Variants in DDR2 observed in about 807,000 individuals in gnomAD.
The protein encoded by DDR2 is discoidin domain-containing receptor 2.
DDR2 carries 27 observed loss-of-function variants against 94.9 expected under a neutral mutation model. That is an observed-to-expected ratio of 0.28 (90% CI 0.21 to 0.39). DDR2 has a LOEUF of 0.39. Ranked by LOEUF, DDR2 falls within the 10% of genes least tolerant of loss-of-function variation. DDR2 has a pLI of 1.00. For missense variants in DDR2, 783 were observed against 1,076.0 expected, an observed-to-expected ratio of 0.73 and a Z score of 3.81; for synonymous variants, 382 against 377.2, an observed-to-expected ratio of 1.01 and a Z score of -0.15.
chr1:162,670,686 C>T (rs559606017), intron 2 of DDR2, among the ~76,000 whole-genome samples: 73 of 152,204 alleles, frequency 4.8e-4, no homozygotes, highest in South Asian at 1.7e-3. Context: ...ACTTTGGATA[C>T]GATTGACTGA....
chr1:162,675,379 G>A (rs1049308498), intron 2 of DDR2, among the ~76,000 whole-genome samples: 1 of 152,160 alleles, frequency 6.6e-6, no homozygotes, highest in African/African-American at 2.4e-5. Flanking sequence ...GAGGACATGT[G>A]CTCAATTCTG....
chr1:162,752,000 G>C (rs1017031781), intron 3 of DDR2, among the ~76,000 whole-genome samples: 2 of 152,134 alleles, frequency 1.3e-5, no homozygotes, highest in African/African-American at 4.8e-5. Context: ...CTGTCGTGGG[G>C]TGAGGGGACG....
intron 3 of DDR2, among the ~76,000 whole-genome samples, chr1:162,735,686 C>T (rs1662265102): frequency 6.6e-6 from 1 of 152,184 alleles, no homozygotes; most frequent in Admixed American, 6.5e-5. Context: ...ACCTCCACAT[C>T]TGTTATATAG....
chr1:162,673,547 C>T (rs1190094456), intron 2 of DDR2, among the ~76,000 whole-genome samples: 1 of 147,400 alleles, frequency 6.8e-6, no homozygotes, highest in Non-Finnish European at 1.5e-5. Flanking sequence ...TTCATTTGTG[C>T]ATGGGTAGCT....
intron 2 of DDR2, among the ~76,000 whole-genome samples, chr1:162,677,863 C>T (rs762131655): frequency 3.9e-5 from 6 of 152,330 alleles, no homozygotes; most frequent in Non-Finnish European, 7.4e-5. Context: ...TTCACATCTA[C>T]TTTATATACA....
At chr1:162,671,393 A>G (rs1658831551) in intron 2 of DDR2, among the ~76,000 whole-genome samples, 1 of 152,190 alleles carries the variant, frequency 6.6e-6, no homozygotes, top group Non-Finnish European at 1.5e-5. Context: ...CTGTTGAGCA[A>G]TTTTAATAAA....
At position 162,786,620 on chromosome 1, in the gene DDR2, C is replaced by A. The variant is rs1234495348; in HGVS notation, c.*6374C>A. ...ACAGTGCCAGTTCTGGGCTTTGTAA[C>A]CTTTGCTCTTTATAGTCTTTCATTC... On this transcript the variant is annotated 3_prime_UTR_variant, in exon 18 of 18. Coordinates refer to ENST00000367921, the MANE Select transcript of DDR2 (RefSeq NM_006182.4). The A allele has an allele frequency of 6.6e-6, 1 of 152,116 alleles. No homozygotes were observed. The highest frequency in any genetic ancestry group is 1.5e-5 in the Non-Finnish European group (1 of 68,036). The allele number at this position is 152,116 out of a possible 1,614,324, so 9.4% of individuals were successfully genotyped here. A position where few individuals can be genotyped will look rare whatever the true frequency, so the allele number is the denominator to read the frequency against.
intron 2 of DDR2, among the ~76,000 whole-genome samples, chr1:162,688,614 A>G (rs1001333158): frequency 6.6e-6 from 1 of 152,214 alleles, no homozygotes; most frequent in African/African-American, 2.4e-5. Flanking sequence ...ACATTTATAC[A>G]TGTCTCTATT....
chr1:162,683,182 A>G (rs142448489), intron 2 of DDR2, among the ~76,000 whole-genome samples: 1 of 152,190 alleles, frequency 6.6e-6, no homozygotes, highest in African/African-American at 2.4e-5. Flanking sequence ...CAAGTTAGGA[A>G]TAGAATAATT....
chr1:162,752,462 C>T (rs560807073), intron 3 of DDR2, among the ~76,000 whole-genome samples: 3 of 152,304 alleles, frequency 2.0e-5, no homozygotes, highest in African/African-American at 7.2e-5. Flanking sequence ...CATAATTTTT[C>T]ATATATTTTG....
Position 162,755,249 on chromosome 1 carries a change from G to C in DDR2, c.511G>C (p.Asp171His). 1 of 1,613,912 alleles carries C rather than the reference G, an allele frequency of 6.2e-7. No homozygotes were observed. Among genetic ancestry groups the C allele is most frequent in the Non-Finnish European group, 8.5e-7 (1 of 1,179,986 alleles). Residue 171 changes from aspartate to histidine, a missense_variant, in exon 6 of 18, where the codon GAC (aspartate) becomes CAC (histidine). Transcript: ENST00000367921. ...ATTTGTCCGGTTCATTCCAGTCACC[G>C]ACCACTCCATGAATGTGTGTATGAG... ...ARFVRFIPVT[D>H]HSMNVCMRVE...
intron 3 of DDR2, among the ~76,000 whole-genome samples, chr1:162,728,218 A>G (rs1365880136): frequency 6.8e-6 from 1 of 147,236 alleles, no homozygotes; most frequent in Non-Finnish European, 1.5e-5. Flanking sequence ...TTATATATAT[A>G]TAGATAGATA....
At chr1:162,727,989 A>G (rs1656504921) in intron 3 of DDR2, among the ~76,000 whole-genome samples, 1 of 141,752 alleles carries the variant, frequency 7.1e-6, no homozygotes, top group Admixed American at 7.3e-5. Context: ...ATATAATCAC[A>G]CTATATATAT....
chr1:162,669,338 T>C (rs927488012), intron 2 of DDR2, among the ~76,000 whole-genome samples: 3 of 152,220 alleles, frequency 2.0e-5, no homozygotes, highest in African/African-American at 7.2e-5. Context: ...TTATGAAATA[T>C]GGCTGTTATG....
chr1:162,721,275 A>G (rs375406994), intron 3 of DDR2, among the ~76,000 whole-genome samples: 5 of 152,204 alleles, frequency 3.3e-5, no homozygotes, highest in Non-Finnish European at 5.9e-5. Flanking sequence ...GGAGCAGGAA[A>G]TGGGCTATTT....
At chr1:162,694,224 C>T (rs1387804102) in intron 2 of DDR2, among the ~76,000 whole-genome samples, 1 of 152,188 alleles carries the variant, frequency 6.6e-6, no homozygotes, top group African/African-American at 2.4e-5. Context: ...CACTCCTCTG[C>T]CTAAAAGCCC....
intron 1 of DDR2, among the ~76,000 whole-genome samples, chr1:162,638,919 C>G (rs1571128098): frequency 6.6e-6 from 1 of 152,054 alleles, no homozygotes; most frequent in African/African-American, 2.4e-5. Flanking sequence ...AAAATTCTAG[C>G]AAGTTGTTTT....
chr1:162,751,864 A>T (rs1663220823), intron 3 of DDR2, among the ~76,000 whole-genome samples: 1 of 152,210 alleles, frequency 6.6e-6, no homozygotes, highest in Non-Finnish European at 1.5e-5. Context: ...GGATAAAGAT[A>T]GAAACCATCA....
At chr1:162,725,403 G>T (rs1020211044) in intron 3 of DDR2, among the ~76,000 whole-genome samples, 5 of 152,040 alleles carry the variant, frequency 3.3e-5, no homozygotes, top group Non-Finnish European at 7.4e-5. Context: ...TTTGGAGAGG[G>T]CATGTTGCTC....
Sources: gnomAD v4.1 joint callset for allele counts (sites outside exome capture counted in the v4.1 genomes callset) on GRCh38, gnomAD v4.1.1 for gene constraint, MANE v1.5 for transcripts, NCBI Gene and HGNC (gene_info 2026-07-23, HGNC 2026-07-21) for gene names.